Variants in ARK2C observed in about 807,000 individuals in gnomAD.
The protein encoded by ARK2C is arkadia (RNF111) C-terminal like ring finger ubiquitin ligase 2C.
chr18:46,461,588 T>C, the ARK2C span: 9 of 139,806 alleles, frequency 6.4e-5, no homozygotes, highest in East Asian at 2.0e-4. Flanking sequence ...GAGGTTGCAG[T>C]GAGCTGGGAG....
chr18:46,337,480 G>C, the ARK2C span: 2 of 985,374 alleles, frequency 2.0e-6, no homozygotes, highest in Non-Finnish European at 2.4e-6. Flanking sequence ...TACTGTGGTC[G>C]TGTAGCCCGG....
chr18:46,345,100 G>A, the ARK2C span, among the ~76,000 whole-genome samples: 1 of 152,194 alleles, frequency 6.6e-6, no homozygotes, highest in African/African-American at 2.4e-5. Flanking sequence ...GGGTGCCTGG[G>A]ATGCAGGGGT....
chr18:46,415,709 C>T, the ARK2C span, among the ~76,000 whole-genome samples: 17 of 152,128 alleles, frequency 1.1e-4, no homozygotes, highest in African/African-American at 3.9e-4. Context: ...GCAAGTCTTT[C>T]TAACCCTTGA....
the ARK2C span, among the ~76,000 whole-genome samples, chr18:46,342,428 C>T: frequency 6.6e-6 from 1 of 152,228 alleles, no homozygotes; most frequent in Non-Finnish European, 1.5e-5. Context: ...TGCCAAGCTT[C>T]GAGGGGGTCT....
chr18:46,360,963 C>G, the ARK2C span, among the ~76,000 whole-genome samples: 3 of 152,220 alleles, frequency 2.0e-5, no homozygotes, highest in Non-Finnish European at 4.4e-5. Context: ...TCCAAGTGGA[C>G]GTCCACAGAA....
the ARK2C span, among the ~76,000 whole-genome samples, chr18:46,337,993 T>C: frequency 1.3e-5 from 2 of 152,292 alleles, no homozygotes; most frequent in African/African-American, 4.8e-5. Flanking sequence ...ATCTTAGTTT[T>C]CAAGATACAT....
chr18:46,354,210 C>T, the ARK2C span, among the ~76,000 whole-genome samples: 1 of 152,244 alleles, frequency 6.6e-6, no homozygotes, highest in African/African-American at 2.4e-5. Context: ...GAGATGCCAG[C>T]ACCAGAGACA....
the ARK2C span, among the ~76,000 whole-genome samples, chr18:46,372,169 C>T: frequency 2.0e-5 from 3 of 152,110 alleles, no homozygotes; most frequent in Non-Finnish European, 4.4e-5. Flanking sequence ...GGCTATACCT[C>T]AATACTGCCA....
At chr18:46,354,753 G>A in the ARK2C span, among the ~76,000 whole-genome samples, 22 of 152,264 alleles carry the variant, frequency 1.4e-4, no homozygotes, top group African/African-American at 2.4e-4. Flanking sequence ...TTCATAAAGC[G>A]ATGGTCCACT....
chr18:46,359,029 G>A, the ARK2C span, among the ~76,000 whole-genome samples: 1 of 152,220 alleles, frequency 6.6e-6, no homozygotes, highest in South Asian at 2.1e-4. Flanking sequence ...CAGACACAAA[G>A]CTTGGGCAAG....
chr18:46,391,062 T>A, the ARK2C span, among the ~76,000 whole-genome samples: 6 of 152,246 alleles, frequency 3.9e-5, no homozygotes, highest in Non-Finnish European at 1.5e-5. Flanking sequence ...AATTGAACTC[T>A]GCTTTTGTTG....
the ARK2C span, among the ~76,000 whole-genome samples, chr18:46,381,490 G>A: frequency 1.3e-5 from 2 of 152,088 alleles, no homozygotes; most frequent in South Asian, 2.1e-4. Flanking sequence ...TCCTTCTCAC[G>A]GTCCTTCTAT....
the ARK2C span, among the ~76,000 whole-genome samples, chr18:46,373,978 TCCCATGGTAAA>T: frequency 6.6e-6 from 1 of 152,172 alleles, no homozygotes; most frequent in Non-Finnish European, 1.5e-5. Flanking sequence ...ATGCTGTGGT[TCCCATGGTAAA>T]CCCAGGCCCC....
the ARK2C span, among the ~76,000 whole-genome samples, chr18:46,399,671 CAGTAGACTATAGCA>C: frequency 6.6e-6 from 1 of 152,114 alleles, no homozygotes; most frequent in African/African-American, 2.4e-5. Context: ...GCTCTAGGAG[CAGTAGACTATAGCA>C]ATGGGAGGCA....
At chr18:46,400,073 C>G in the ARK2C span, among the ~76,000 whole-genome samples, 1 of 152,186 alleles carries the variant, frequency 6.6e-6, no homozygotes, top group Non-Finnish European at 1.5e-5. Context: ...AGCACTGGGA[C>G]CCCCACGGTA....
chr18:46,375,340 C>A, the ARK2C span, among the ~76,000 whole-genome samples: 2 of 152,130 alleles, frequency 1.3e-5, no homozygotes, highest in African/African-American at 4.8e-5. Context: ...GTCACTTGAG[C>A]CCAGGAGTTC....
the ARK2C span, among the ~76,000 whole-genome samples, chr18:46,346,433 C>T: frequency 9.0e-5 from 9 of 100,500 alleles, no homozygotes; most frequent in Non-Finnish European, 1.8e-4. Context: ...CTAAGAGCTC[C>T]CTTGGGTTTA....
At chr18:46,348,921 T>C in the ARK2C span, among the ~76,000 whole-genome samples, 5 of 151,544 alleles carry the variant, frequency 3.3e-5, no homozygotes, top group South Asian at 2.1e-4. Context: ...TGTGTGTGTG[T>C]GTGTGTGTGT....
At chr18:46,411,020 C>T in the ARK2C span, among the ~76,000 whole-genome samples, 1 of 152,226 alleles carries the variant, frequency 6.6e-6, no homozygotes, top group Non-Finnish European at 1.5e-5. Flanking sequence ...TGAGATGAGC[C>T]TCCCAAAGTG....
Sources: allele counts gnomAD v4.1 joint callset (sites outside exome capture counted in the v4.1 genomes callset), GRCh38; gene constraint gnomAD v4.1.1; transcripts MANE v1.5; gene names NCBI Gene and HGNC (gene_info 2026-07-23, HGNC 2026-07-21).